ARFGAP1: variants seen among roughly 807,000 people sequenced by gnomAD.
ARFGAP1 encodes ARF GTPase activating protein 1, also known as ADP-ribosylation factor GTPase-activating protein 1.
ARFGAP1 carries 26 observed loss-of-function variants against 54.0 expected under a neutral mutation model. The observed-to-expected ratio is 0.48, with a 90% CI of 0.35 to 0.67. The LOEUF is 0.67. ARFGAP1 is among the 30% of genes least tolerant of loss of function. The pLI is 0.00. For missense variants in ARFGAP1, 525 were observed against 535.8 expected (o/e 0.98, Z 0.20); for synonymous variants, 248 against 211.9 (o/e 1.17, Z -1.48).
chr20:63,282,675 C>G (rs2123277817), intron 8 of ARFGAP1, 144 bp from the exon 9 acceptor site: 2 of 756,302 alleles, frequency 2.6e-6, no homozygotes, highest in Non-Finnish European at 4.6e-6. Flanking sequence ...CTGGGCATCT[C>G]AGAGTTATAG....
At position 63,276,435 on chromosome 20, in the gene ARFGAP1, G is replaced by A. The variant is rs371046178; in HGVS notation, c.171-45G>A. The A allele has an allele frequency of 7.1e-5, 112 of 1,579,468 alleles. No individual in the cohort carries two copies. The Middle Eastern group carries it at 3.8e-3, about 54-fold the overall frequency. On this transcript the variant is annotated intron_variant, in intron 3 of 12. Transcript: ENST00000370283. This position sits in a 1 kb window ranked among gnomAD's most constrained non-coding sequence, Gnocchi z 5.2. Reference sequence around the variant, plus strand: ...CGATGCTGGGTGGAGGGTGTCCCTGGGTGTCCCCGGTGCTGGTTGATCTGC... The same window carrying A: ...CGATGCTGGGTGGAGGGTGTCCCTGAGTGTCCCCGGTGCTGGTTGATCTGC...
chr20:63,287,499 C>T, intron 12 of ARFGAP1, 65 bp from the exon 13 acceptor site: 7 of 1,462,964 alleles, frequency 4.8e-6, no homozygotes, highest in Non-Finnish European at 6.4e-6. Context: ...CTCTCGGGGG[C>T]ACAGAATTCC....
intron 9 of ARFGAP1, chr20:63,283,556 C>A (rs1452572761): frequency 1.1e-5 from 5 of 454,144 alleles, no homozygotes; most frequent in Non-Finnish European, 2.0e-5. Context: ...TGGCCCATAT[C>A]ACCCCTTCCT....
In ARFGAP1 at chr20:63,287,881, T is replaced by TGCGCCCCCGTCCCCA; in HGVS notation, c.*18_*32dup. ...GACAACCAGAACTGGTAGGGCCCAC[T>TGCGCCCCCGTCCCCA]GCGCCCCCGTCCCCAGCGCCCCCGG... On this transcript the variant is annotated 3_prime_UTR_variant, in exon 13 of 13. Transcript: ENST00000370283. 1 of 1,512,960 alleles carries TGCGCCCCCGTCCCCA rather than the reference T, an allele frequency of 6.6e-7. No individual in the cohort carries two copies. 93.7% of individuals were successfully genotyped at this position (1,512,960 alleles called of 1,614,324 possible).
At position 63,278,187 on chromosome 20, in the gene ARFGAP1, C is replaced by G. The variant is rs765995185; in HGVS notation, c.514C>G (p.Leu172Val). Residue 172 changes from leucine (L) to valine (V), a missense_variant, in exon 6 of 13, where the codon CTC becomes GTC. Leu to Val is a conservative substitution (Grantham distance 32). Coordinates refer to ENST00000370283, the MANE Select transcript of ARFGAP1 (RefSeq NM_018209.4). ...TTTTGAAGACTGGCTGAATGATGAC[C>G]TCGGCTCCTATCAAGGGTAAGGACT... is the stretch of plus-strand genomic sequence containing the variant. ...KAFEDWLNDD[L>V]GSYQGAQGNR... 2.5e-6 allele frequency: 4 copies of G among 1,613,382 alleles called. No individual in the cohort carries two copies. The highest frequency in any genetic ancestry group is 1.7e-5 in the Admixed American group (1 of 60,006).
chr20:63,277,100 G>C, intron 4 of ARFGAP1, 105 bp from the exon 5 acceptor site: 1 of 918,810 alleles, frequency 1.1e-6, no homozygotes, highest in South Asian at 1.5e-5. Flanking sequence ...GGCTGCGGGT[G>C]GTGGGTGCTC....
chr20:63,277,272 C>T lies in ARFGAP1; in HGVS notation c.410C>T (p.Pro137Leu). 3 of 1,613,126 alleles carry T rather than the reference C, an allele frequency of 1.9e-6. No homozygotes were observed. The highest frequency in any genetic ancestry group is 1.7e-6 in the Non-Finnish European group (2 of 1,179,934). The stretch of plus-strand genomic sequence containing the variant: ...TCACCTGCCCAGAACTGGACCCCAC[C>T]TCAGCCCAGGACGCTGCCGTCCATG... Reference protein sequence around the residue: ...ESSPAQNWTPPQPRTLPSMVH... With the variant: ...ESSPAQNWTPLQPRTLPSMVH... The change falls in exon 5 of 13, where the codon CCT (proline) becomes CTT (leucine). Residue 137 changes from proline to leucine, a missense_variant. Around this residue, in one of 3 missense-constraint regions of ARFGAP1, gnomAD observed 466 missense variants for 453.6 expected, o/e 1.03. Coordinates refer to ENST00000370283, the MANE Select transcript of ARFGAP1 (RefSeq NM_018209.4).
At chr20:63,277,121 G>A (rs952653195) in intron 4 of ARFGAP1, 84 bp from the exon 5 acceptor site, 27 of 1,235,576 alleles carry the variant, frequency 2.2e-5, no homozygotes, top group African/African-American at 4.5e-5. Flanking sequence ...CAGGCGGGCC[G>A]TGGGGGGTGC....
At position 63,276,558 on chromosome 20, in the gene ARFGAP1, C is replaced by G. The variant is rs1287476954; in HGVS notation, c.249C>G (p.Phe83Leu). Reference sequence around the variant, plus strand: ...TGAAAGCTGGTGGGAATGCTAAGTTCCGAGAGTTCCTGGAGTCTCAGGAGG... The same window carrying G: ...TGAAAGCTGGTGGGAATGCTAAGTTGCGAGAGTTCCTGGAGTCTCAGGAGG... ...EKMKAGGNAK[F>L]REFLESQEDY... The change falls in exon 4 of 13, where the codon TTC becomes TTG. Residue 83 changes from phenylalanine (F) to leucine (L), a missense_variant. Physicochemically the swap from Phe to Leu is conservative, Grantham distance 22. Around this residue, in one of 3 missense-constraint regions of ARFGAP1, gnomAD observed 466 missense variants for 453.6 expected, o/e 1.03. Coordinates refer to ENST00000370283, the MANE Select transcript of ARFGAP1 (RefSeq NM_018209.4). The surrounding 1 kb of genome is among the most constrained non-coding windows in gnomAD (Gnocchi z 5.2). The G allele has an allele frequency of 1.2e-6, 2 of 1,614,064 alleles. No homozygotes were observed. Among genetic ancestry groups the G allele is most frequent in the Admixed American group, 3.3e-5 (2 of 60,016 alleles).
In ARFGAP1 at chr20:63,288,040, G is replaced by C; in HGVS notation, c.*167G>C. The C allele has an allele frequency of 4.8e-6, 4 of 826,338 alleles. No homozygotes were observed. The highest frequency in any genetic ancestry group is 5.5e-6 in the Non-Finnish European group (3 of 542,960). 51.2% of individuals were successfully genotyped at this position (826,338 alleles called of 1,614,324 possible). ...AGACCCGGGTGTGCGCCGCCTGCGC[G>C]TGGGGAGTCTTCGGTGCGTGGGGGC... On this transcript the variant is annotated 3_prime_UTR_variant, in exon 13 of 13. Transcript: ENST00000370283.
intron 7 of ARFGAP1, chr20:63,279,449 G>A (rs2067321933): frequency 3.0e-6 from 1 of 332,394 alleles, no homozygotes; most frequent in Non-Finnish European, 5.8e-6. Context: ...CAGGTGATCT[G>A]TCCGCCTCGG....
chr20:63,287,720 C>G lies in ARFGAP1; in HGVS notation c.1068C>G (p.Thr356=). 1 of 1,611,780 alleles carries G rather than the reference C, an allele frequency of 6.2e-7. No individual in the cohort carries two copies. ...GCTGGACGTGCGCGGACACCTCCAC[C>G]GAGAGGAGGAGCTCGGACAGCTGGG... ...SDSWTCADTS[T]ERRSSDSWEV... The change falls in exon 13 of 13, where the codon ACC becomes ACG. Residue 356 remains threonine, a synonymous_variant. Coordinates refer to ENST00000370283, the MANE Select transcript of ARFGAP1 (RefSeq NM_018209.4).
Position 63,277,187 on chromosome 20 carries a change from C to A in ARFGAP1, c.343-18C>A. 1 of 1,608,440 alleles carries A rather than the reference C, an allele frequency of 6.2e-7. No individual in the cohort carries two copies. On this transcript the variant is annotated intron_variant, in intron 4 of 12. Transcript: ENST00000370283. ...CAGGCGCCTTTATGCTCTCGAATGC[C>A]CTGTGTCTCCTTGTCAGGTGGTCGC...
chr20:63,278,252 G>A (rs1481474197), intron 6 of ARFGAP1, 49 bp downstream of exon 6: 1 of 1,587,480 alleles, frequency 6.3e-7, no homozygotes, highest in Admixed American at 1.7e-5. Flanking sequence ...GGCCCACAGG[G>A]TTCAGTCTGG....
In ARFGAP1 at chr20:63,289,035, A is replaced by C. The variant is rs888680331; in HGVS notation, c.*1162A>C. The C allele has an allele frequency of 5.9e-6, 1 of 169,668 alleles. No homozygotes were observed. Among genetic ancestry groups the C allele is most frequent in the Non-Finnish European group, 1.3e-5 (1 of 77,120 alleles). The allele number at this position is 169,668 out of a possible 1,614,324, so 10.5% of individuals were successfully genotyped here. A position where few individuals can be genotyped will look rare whatever the true frequency, so the allele number is the denominator to read the frequency against. On this transcript the variant is annotated 3_prime_UTR_variant, in exon 13 of 13. Coordinates refer to ENST00000370283, the MANE Select transcript of ARFGAP1 (RefSeq NM_018209.4). The stretch of plus-strand genomic sequence containing the variant: ...TCAGCCCCTGTGCTCGTCCCACCCT[A>C]GGGACTCAGCCACTTGCAGAACAGG...
At chr20:63,286,227 G>A in intron 11 of ARFGAP1, 139 bp from the exon 12 acceptor site, 2 of 1,547,258 alleles carry the variant, frequency 1.3e-6, no homozygotes, top group East Asian at 4.9e-5. Context: ...CTGTACGTGT[G>A]TGCGAGGCAC....
At chr20:63,279,452 C>T (rs529951450) in intron 7 of ARFGAP1, 11 of 330,878 alleles carry the variant, frequency 3.3e-5, no homozygotes, top group African/African-American at 8.8e-5. Context: ...GTGATCTGTC[C>T]GCCTCGGCCT....
chr20:63,278,217 A>T lies in ARFGAP1; in HGVS notation c.530+14A>T, dbSNP rs531772755. The T allele has an allele frequency of 3.1e-6, 5 of 1,612,052 alleles. No homozygotes were observed. The African/African-American group carries it at 6.7e-5, about 21-fold the overall frequency. ...CTCCTATCAAGGGTAAGGACTTGAG[A>T]GCTGGGGACGCCTGGCGTGGGCCAG... On this transcript the variant is annotated intron_variant, in intron 6 of 12. Coordinates refer to ENST00000370283, the MANE Select transcript of ARFGAP1 (RefSeq NM_018209.4).
chr20:63,284,806 T>A, intron 9 of ARFGAP1, 60 bp from the exon 10 acceptor site: 1 of 1,602,252 alleles, frequency 6.2e-7, no homozygotes, highest in Non-Finnish European at 8.5e-7. Flanking sequence ...GTGCTGCCAC[T>A]GCCGACCCGT....
Sources: allele counts gnomAD v4.1 joint callset, GRCh38; gene constraint gnomAD v4.1.1; regional missense constraint gnomAD v4.1.1; non-coding constraint Gnocchi (gnomAD v3.1); transcripts MANE v1.5; gene names NCBI Gene and HGNC (gene_info 2026-07-23, HGNC 2026-07-21).